Variants in NME7 observed in about 807,000 individuals in gnomAD.
NME7 encodes NME/NM23 family member 7.
A neutral mutation model predicts 49.1 loss-of-function variants in NME7; 41 were observed. That is an observed-to-expected ratio of 0.83 (90% CI 0.65 to 1.08). The LOEUF is 1.08. Ranked by LOEUF, NME7 falls within the 50% of genes least tolerant of loss-of-function variation. The probability of loss-of-function intolerance (pLI) is 0.00; values close to 1 mark genes in which losing one functional copy is unlikely to be tolerated. For synonymous variants in NME7, 139 were observed against 150.6 expected, an observed-to-expected ratio of 0.92 and a Z score of 0.56; for missense variants, 423 against 463.4, an observed-to-expected ratio of 0.91 and a Z score of 0.80.
At chr1:169,250,090 C>T (rs1648497606) in intron 7 of NME7, among the ~76,000 whole-genome samples, 1 of 151,916 alleles carries the variant, frequency 6.6e-6, no homozygotes, top group Admixed American at 6.6e-5. Flanking sequence ...GTTGTGAATC[C>T]ATGTGGCCCC....
intron 6 of NME7, 75 bp from the exon 7 acceptor site, chr1:169,287,483 G>A: frequency 1.9e-6 from 2 of 1,030,330 alleles, no homozygotes; most frequent in South Asian, 4.1e-5. Context: ...TGTGGGGGAG[G>A]AGAATCATGC....
At chr1:169,229,651 G>A (rs1647509416) in intron 10 of NME7, among the ~76,000 whole-genome samples, 1 of 152,106 alleles carries the variant, frequency 6.6e-6, no homozygotes, top group Admixed American at 6.5e-5. Flanking sequence ...TGGATTTATT[G>A]TCTTACATCT....
intron 3 of NME7, among the ~76,000 whole-genome samples, chr1:169,311,446 A>G (rs940423858): frequency 2.7e-5 from 4 of 150,780 alleles, no homozygotes; most frequent in African/African-American, 9.8e-5. Flanking sequence ...AAAATCAAAT[A>G]TCCTTACTTA....
intron 11 of NME7, among the ~76,000 whole-genome samples, chr1:169,133,679 T>C (rs1658329159): frequency 6.6e-6 from 1 of 152,212 alleles, no homozygotes; most frequent in Non-Finnish European, 1.5e-5. Flanking sequence ...AGTTGAAGTC[T>C]TTAGGAGACT....
intron 10 of NME7, among the ~76,000 whole-genome samples, chr1:169,189,500 T>C (rs1217651621): frequency 6.6e-6 from 1 of 152,188 alleles, no homozygotes; most frequent in Non-Finnish European, 1.5e-5. Flanking sequence ...ATTTTTCTAT[T>C]GAATTCAGCT....
intron 8 of NME7, among the ~76,000 whole-genome samples, chr1:169,236,172 C>T (rs1647852052): frequency 6.6e-6 from 1 of 152,068 alleles, no homozygotes; most frequent in Admixed American, 6.6e-5. Context: ...CAACAAAATA[C>T]TAATAGAAGA....
At chr1:169,154,978 A>T (rs943428394) in intron 11 of NME7, among the ~76,000 whole-genome samples, 22 of 151,582 alleles carry the variant, frequency 1.5e-4, no homozygotes, top group East Asian at 3.9e-4. Context: ...ATTTAAAAAA[A>T]TTTTTTTTTA....
chr1:169,134,657 A>T (rs1040170229), intron 11 of NME7, among the ~76,000 whole-genome samples: 8 of 152,166 alleles, frequency 5.3e-5, no homozygotes, highest in Non-Finnish European at 1.5e-5. Context: ...TTGCCATAAG[A>T]TGTTACCTAG....
At chr1:169,293,831 A>G (rs1650608832) in intron 6 of NME7, among the ~76,000 whole-genome samples, 1 of 151,976 alleles carries the variant, frequency 6.6e-6, no homozygotes, top group Non-Finnish European at 1.5e-5. Flanking sequence ...ATATATCTTC[A>G]TTTATTTATG....
chr1:169,253,482 T>C (rs541956608), intron 7 of NME7, among the ~76,000 whole-genome samples: 3 of 152,226 alleles, frequency 2.0e-5, no homozygotes, highest in African/African-American at 7.2e-5. Context: ...TGGGGTTTTC[T>C]AGATATACAA....
intron 11 of NME7, among the ~76,000 whole-genome samples, chr1:169,144,303 G>A (rs1658690215): frequency 1.3e-5 from 2 of 152,090 alleles, no homozygotes; most frequent in South Asian, 4.1e-4. Flanking sequence ...TGGAATACTA[G>A]CAAATAAAAT....
chr1:169,136,029 C>T (rs947149830), intron 11 of NME7, among the ~76,000 whole-genome samples: 2 of 152,110 alleles, frequency 1.3e-5, no homozygotes, highest in Non-Finnish European at 2.9e-5. Context: ...CAAGGAGACA[C>T]ATACATTCCC....
intron 11 of NME7, among the ~76,000 whole-genome samples, chr1:169,159,909 T>A (rs1032867695): frequency 6.6e-6 from 1 of 152,104 alleles, no homozygotes; most frequent in Non-Finnish European, 1.5e-5. Flanking sequence ...GAGTCACCAT[T>A]TTCTTCTCCA....
At chr1:169,266,294 C>T (rs1449342231) in intron 7 of NME7, among the ~76,000 whole-genome samples, 1 of 133,648 alleles carries the variant, frequency 7.5e-6, no homozygotes, top group Non-Finnish European at 1.8e-5. Flanking sequence ...CCTTGGGATA[C>T]AAGGTTAGTT....
At chr1:169,354,607 C>T (rs1273306135) in intron 1 of NME7, among the ~76,000 whole-genome samples, 3 of 149,644 alleles carry the variant, frequency 2.0e-5, no homozygotes, top group South Asian at 4.2e-4. Context: ...TTATGCATTG[C>T]ATGCCTGTAC....
intron 1 of NME7, among the ~76,000 whole-genome samples, chr1:169,328,526 G>A (rs1266135612): frequency 6.6e-6 from 1 of 152,014 alleles, no homozygotes; most frequent in African/African-American, 2.4e-5. Context: ...CTAACCCTAG[G>A]TAAATAGTTT....
chr1:169,285,274 C>T (rs1650228396), intron 7 of NME7: 1 of 152,062 alleles, frequency 6.6e-6, no homozygotes, highest in Non-Finnish European at 1.5e-5. Context: ...CATGTCTGTG[C>T]TCAAAAAGTT....
intron 1 of NME7, among the ~76,000 whole-genome samples, chr1:169,362,884 T>C (rs1653711107): frequency 6.6e-6 from 1 of 152,214 alleles, no homozygotes; most frequent in East Asian, 1.9e-4. Flanking sequence ...ACATTTTCAC[T>C]AGATCAAAAG....
chr1:169,232,567 C>A (rs1647677167), intron 9 of NME7, among the ~76,000 whole-genome samples: 3 of 139,968 alleles, frequency 2.1e-5, no homozygotes, highest in Non-Finnish European at 1.5e-5. Flanking sequence ...GGGGGGGGGG[C>A]AGGGGAAAGA....
Sources: gnomAD v4.1 joint callset for allele counts (sites outside exome capture counted in the v4.1 genomes callset) on GRCh38, gnomAD v4.1.1 for gene constraint, MANE v1.5 for transcripts, NCBI Gene and HGNC (gene_info 2026-07-23, HGNC 2026-07-21) for gene names.